Variants in DAAM2 observed in about 807,000 individuals in gnomAD.
DAAM2 encodes the protein dishevelled associated activator of morphogenesis 2.
In DAAM2, 39 loss-of-function variants were observed where a neutral mutation model predicts 120.7. The ratio of observed to expected loss-of-function variants is 0.32; its 90% CI spans 0.25 to 0.42. The LOEUF (loss-of-function observed/expected upper bound fraction) is 0.42, where lower values mean the gene tolerates loss of function less well. Among genes scored for constraint, DAAM2 ranks in the 10% least tolerant of loss-of-function variants. The pLI is 1.00. For synonymous variants in DAAM2, 488 were observed against 524.9 expected, an observed-to-expected ratio of 0.93 and a Z score of 0.96; for missense variants, 1,283 against 1,401.7, an observed-to-expected ratio of 0.92 and a Z score of 1.35.
In DAAM2 at chr6:39,815,107, A is replaced by G. The variant is rs986214341; in HGVS notation, c.-57+22642A>G. 2.6e-5 allele frequency among the ~76,000 whole-genome samples: 4 copies of G among 152,350 alleles called. No individual in the cohort carries two copies. The South Asian group carries it at 8.3e-4, about 32-fold the overall frequency. ...AATGCACATCCCTGGGCTCTGCCCA[A>G]GGCTTCTGGATCAAGCTCTAGGGGT... On this transcript the variant is annotated intron_variant, in intron 1 of 24. Coordinates refer to ENST00000274867, the MANE Select transcript of DAAM2 (RefSeq NM_001201427.2).
chr6:39,864,430 C>A lies in DAAM2; in HGVS notation c.259-3C>A. 6.2e-7 allele frequency: 1 copy of A among 1,612,328 alleles called. No individual in the cohort carries two copies. Among genetic ancestry groups the A allele is most frequent in the South Asian group, 1.1e-5 (1 of 90,738 alleles). On this transcript the variant is annotated splice_polypyrimidine_tract_variant and splice_region_variant and intron_variant, in intron 3 of 24. Coordinates refer to ENST00000274867, the MANE Select transcript of DAAM2 (RefSeq NM_001201427.2). ...GTCCATGCTGTCCTTTTTCTTGTTT[C>A]AGGAGCAGGAGGACCCCAACAAGCT...
intron 1 of DAAM2, among the ~76,000 whole-genome samples, chr6:39,806,568 TA>T (rs1477495545): frequency 1.3e-5 from 2 of 151,978 alleles, no homozygotes; most frequent in South Asian, 2.1e-4. Context: ...TATTATGGCT[TA>T]TTTAAAAAAA....
chr6:39,867,307 C>T lies in DAAM2; in HGVS notation c.429-203C>T, dbSNP rs866518615. 4.9e-5 allele frequency: 29 copies of T among 588,302 alleles called. No homozygotes were observed. In the Middle Eastern group the frequency reaches 1.3e-3, roughly 26 times the overall value. 36.4% of individuals were successfully genotyped at this position (588,302 alleles called of 1,614,324 possible). A position where few individuals can be genotyped will look rare whatever the true frequency, so the allele number is the denominator to read the frequency against. On this transcript the variant is annotated intron_variant, in intron 5 of 24. Transcript: ENST00000274867. ...TGCAACTGACAATGATATGCAAATACAGAGTATTTAAAATGCAAATAAGAC... is the reference window on the plus strand; with the variant it reads ...TGCAACTGACAATGATATGCAAATATAGAGTATTTAAAATGCAAATAAGAC...
intron 1 of DAAM2, among the ~76,000 whole-genome samples, chr6:39,815,306 C>T (rs1414978143): frequency 6.6e-6 from 1 of 152,128 alleles, no homozygotes; most frequent in Non-Finnish European, 1.5e-5. Context: ...ATTAACTACC[C>T]CTAGGTGACA....
chr6:39,838,248 G>A (rs1443785694), intron 1 of DAAM2, among the ~76,000 whole-genome samples: 2 of 152,312 alleles, frequency 1.3e-5, no homozygotes, highest in East Asian at 1.9e-4. Context: ...CATTTTTCTT[G>A]TGAGTTGAAG....
rs540208908 is a variant in DAAM2 at position 39,904,100 on chromosome 6, C to T, written c.*2063C>T. Reference sequence around the variant, plus strand: ...AGGGAACAGGGGAGGGCTCCACAAGCGTGTCTGGCATTCCCACCCACCATG... The same window carrying T: ...AGGGAACAGGGGAGGGCTCCACAAGTGTGTCTGGCATTCCCACCCACCATG... On this transcript the variant is annotated 3_prime_UTR_variant, in exon 25 of 25. Coordinates refer to ENST00000274867, the MANE Select transcript of DAAM2 (RefSeq NM_001201427.2). 29 of 434,334 alleles carry T rather than the reference C, an allele frequency of 6.7e-5. No individual in the cohort carries two copies. Among genetic ancestry groups the T allele is most frequent in the South Asian group, 2.2e-4 (13 of 59,008 alleles). The allele number at this position is 434,334 out of a possible 1,614,324, so 26.9% of individuals were successfully genotyped here. A position where few individuals can be genotyped will look rare whatever the true frequency, so the allele number is the denominator to read the frequency against.
chr6:39,856,683 C>T (rs1461494217), intron 2 of DAAM2, among the ~76,000 whole-genome samples: 2 of 152,212 alleles, frequency 1.3e-5, no homozygotes, highest in African/African-American at 4.8e-5. Context: ...GAAGAATGGT[C>T]CTACCTCCTC....
chr6:39,865,382 A>G (rs989968669), intron 5 of DAAM2, among the ~76,000 whole-genome samples: 4 of 152,252 alleles, frequency 2.6e-5, no homozygotes, highest in Non-Finnish European at 4.4e-5. Context: ...TAGGAGCGTG[A>G]CCAAATGGAC....
intron 3 of DAAM2, among the ~76,000 whole-genome samples, chr6:39,864,165 A>G (rs1582695360): frequency 6.9e-6 from 1 of 145,712 alleles, no homozygotes; most frequent in Non-Finnish European, 1.5e-5. Flanking sequence ...AAGAATTTTT[A>G]AAAAATGGTG....
At chr6:39,825,551 G>T (rs1299730661) in intron 1 of DAAM2, among the ~76,000 whole-genome samples, 1 of 151,978 alleles carries the variant, frequency 6.6e-6, no homozygotes, top group Non-Finnish European at 1.5e-5. Flanking sequence ...CCTGAGCCTG[G>T]CTGTGCATTC....
intron 15 of DAAM2, chr6:39,884,286 G>A: frequency 1.9e-6 from 1 of 520,882 alleles, no homozygotes; most frequent in Non-Finnish European, 3.4e-6. Context: ...TGAGGATGTA[G>A]GTATGAAGTA....
At chr6:39,840,395 G>A (rs1763279473) in intron 1 of DAAM2, among the ~76,000 whole-genome samples, 1 of 152,296 alleles carries the variant, frequency 6.6e-6, no homozygotes, top group South Asian at 2.1e-4. Flanking sequence ...TTTCTTGTGA[G>A]AATTAAGTGA....
intron 4 of DAAM2, 132 bp from the exon 5 acceptor site, chr6:39,864,847 CG>C: frequency 8.9e-7 from 1 of 1,118,388 alleles, no homozygotes; most frequent in South Asian, 1.6e-5. Flanking sequence ...TCCCAGGGGC[CG>C]ACACTCGGTC....
intron 1 of DAAM2, among the ~76,000 whole-genome samples, chr6:39,845,160 C>T (rs1295326174): frequency 6.9e-6 from 1 of 145,574 alleles, no homozygotes; most frequent in Non-Finnish European, 1.5e-5. Context: ...ATATACACCA[C>T]ACATACACAC....
intron 1 of DAAM2, among the ~76,000 whole-genome samples, chr6:39,801,704 T>C (rs1402209914): frequency 6.6e-6 from 1 of 152,220 alleles, no homozygotes; most frequent in Non-Finnish European, 1.5e-5. Flanking sequence ...GTACACCCAT[T>C]GTCCATCCAG....
chr6:39,879,626 T>A, intron 14 of DAAM2, 149 bp downstream of exon 14: 4 of 1,051,134 alleles, frequency 3.8e-6, no homozygotes, highest in Non-Finnish European at 5.8e-6. Flanking sequence ...ACAAAGTGGG[T>A]TTGCTGTGCC....
intron 11 of DAAM2, among the ~76,000 whole-genome samples, chr6:39,877,907 T>C (rs1764935285): frequency 6.6e-6 from 1 of 152,234 alleles, no homozygotes. Flanking sequence ...CTACCATTAA[T>C]TAGCTCTTGC....
At chr6:39,868,046 T>C in intron 6 of DAAM2, 1 of 573,660 alleles carries the variant, frequency 1.7e-6, no homozygotes. Context: ...GCCTTAAGAG[T>C]TATGAGTTTG....
intron 11 of DAAM2, among the ~76,000 whole-genome samples, chr6:39,877,876 G>C (rs906215197): frequency 2.0e-5 from 3 of 152,222 alleles, no homozygotes; most frequent in African/African-American, 7.2e-5. Context: ...ATTCTTGGGA[G>C]CCTGAGGTTC....
Sources: gnomAD v4.1 joint callset for allele counts (sites outside exome capture counted in the v4.1 genomes callset) on GRCh38, gnomAD v4.1.1 for gene constraint, MANE v1.5 for transcripts, NCBI Gene and HGNC (gene_info 2026-07-23, HGNC 2026-07-21) for gene names.